The following SGMS1 variants were observed in gnomAD, a reference collection of about 807,000 sequenced individuals.
The protein encoded by SGMS1 is sphingomyelin synthase 1.
A neutral mutation model predicts 46.2 loss-of-function variants in SGMS1; 13 were observed. That is an observed-to-expected ratio of 0.28 (90% CI 0.18 to 0.45). The LOEUF (loss-of-function observed/expected upper bound fraction) is 0.45, where lower values mean the gene tolerates loss of function less well. Ranked by LOEUF, SGMS1 falls within the 20% of genes least tolerant of loss-of-function variation. SGMS1 has a pLI of 1.00. For missense variants in SGMS1, 324 were observed against 519.9 expected, an observed-to-expected ratio of 0.62 and a Z score of 3.66; for synonymous variants, 203 against 187.8, an observed-to-expected ratio of 1.08 and a Z score of -0.66.
chr10:50,582,581 AAACATT>A (rs997139165), intron 2 of SGMS1, among the ~76,000 whole-genome samples: 2 of 152,348 alleles, frequency 1.3e-5, no homozygotes, highest in African/African-American at 4.8e-5. Flanking sequence ...AACCATCAGC[AAACATT>A]TCCCAAGCAA....
chr10:50,431,399 G>A (rs553279870), intron 6 of SGMS1, among the ~76,000 whole-genome samples: 2 of 152,174 alleles, frequency 1.3e-5, no homozygotes, highest in Non-Finnish European at 2.9e-5. Context: ...TTTTTGTAAG[G>A]TTCAATAAAA....
At chr10:50,357,231 T>C (rs1364871036) in intron 6 of SGMS1, among the ~76,000 whole-genome samples, 1 of 151,940 alleles carries the variant, frequency 6.6e-6, no homozygotes, top group Admixed American at 6.6e-5. Flanking sequence ...TCAGACAATA[T>C]GCCATGACAT....
chr10:50,404,135 A>G (rs1340761238), intron 6 of SGMS1, among the ~76,000 whole-genome samples: 3 of 152,072 alleles, frequency 2.0e-5, no homozygotes, highest in African/African-American at 7.2e-5. Flanking sequence ...AGGAAGAAGA[A>G]AGCACATGAG....
intron 2 of SGMS1, among the ~76,000 whole-genome samples, chr10:50,522,714 T>C (rs1837867079): frequency 6.6e-6 from 1 of 152,114 alleles, no homozygotes; most frequent in Non-Finnish European, 1.5e-5. Flanking sequence ...TGGTCTTTAT[T>C]CCTAGGATGT....
At chr10:50,395,812 C>T (rs1043452469) in intron 6 of SGMS1, among the ~76,000 whole-genome samples, 16 of 152,016 alleles carry the variant, frequency 1.1e-4, no homozygotes, top group Admixed American at 4.6e-4. Flanking sequence ...GACTGGACAT[C>T]GATGAAGGAT....
chr10:50,592,897 G>A (rs1267175116), intron 1 of SGMS1, among the ~76,000 whole-genome samples: 1 of 152,196 alleles, frequency 6.6e-6, no homozygotes, highest in Non-Finnish European at 1.5e-5. Context: ...GCGTTTAACT[G>A]TGGTAGCCAG....
chr10:50,417,318 G>T (rs575401962), intron 6 of SGMS1, among the ~76,000 whole-genome samples: 1 of 152,030 alleles, frequency 6.6e-6, no homozygotes, highest in East Asian at 1.9e-4. Context: ...AACTCAATTG[G>T]ATAAAAATGT....
chr10:50,477,670 G>C (rs774377264), intron 3 of SGMS1, among the ~76,000 whole-genome samples: 14 of 152,156 alleles, frequency 9.2e-5, no homozygotes, highest in Non-Finnish European at 1.8e-4. Context: ...GAAGTGGTTG[G>C]ATCATGGGTG....
At chr10:50,330,023 A>T (rs1469073035) in intron 7 of SGMS1, among the ~76,000 whole-genome samples, 6 of 152,248 alleles carry the variant, frequency 3.9e-5, no homozygotes, top group African/African-American at 1.4e-4. Context: ...GACTTACTAG[A>T]ATAGCATGTT....
rs568493018 is a variant in SGMS1 at position 50,348,921 on chromosome 10, A to G, written c.-231-4576T>C. 3.3e-5 allele frequency among the ~76,000 whole-genome samples: 5 copies of G among 152,360 alleles called. No individual in the cohort carries two copies. In the South Asian group the frequency reaches 1.0e-3, roughly 32 times the overall value. On this transcript the variant is annotated intron_variant, in intron 6 of 10. Coordinates refer to ENST00000361781, the MANE Select transcript of SGMS1 (RefSeq NM_147156.4). ...ACGCTACCTGACTTCAAACTATACT[A>G]CAAGGCTACAGTAACCAAAACAGCA...
intron 3 of SGMS1, among the ~76,000 whole-genome samples, chr10:50,489,015 T>C (rs912817441): frequency 6.6e-6 from 1 of 152,214 alleles, no homozygotes; most frequent in Admixed American, 6.5e-5. Flanking sequence ...ATAAACTTCT[T>C]CATTAAATAT....
At chr10:50,364,671 C>T (rs1198895318) in intron 6 of SGMS1, among the ~76,000 whole-genome samples, 1 of 152,162 alleles carries the variant, frequency 6.6e-6, no homozygotes, top group Non-Finnish European at 1.5e-5. Context: ...ACAATAACAC[C>T]ATAAACTTTA....
chr10:50,392,993 G>GTTT (rs34313644), intron 6 of SGMS1, among the ~76,000 whole-genome samples: 1 of 147,854 alleles, frequency 6.8e-6, no homozygotes, highest in African/African-American at 2.5e-5. Context: ...CATCCAGAAA[G>GTTT]TTTTTTTTTT....
intron 3 of SGMS1, among the ~76,000 whole-genome samples, chr10:50,480,135 A>C (rs537787463): frequency 1.4e-4 from 21 of 152,280 alleles, no homozygotes; most frequent in African/African-American, 4.8e-4. Flanking sequence ...ATACAGGAAC[A>C]TAACTCATGC....
intron 2 of SGMS1, among the ~76,000 whole-genome samples, chr10:50,535,549 G>A (rs895315582): frequency 2.6e-5 from 4 of 151,914 alleles, no homozygotes; most frequent in African/African-American, 9.7e-5. Flanking sequence ...TTTGTATTTT[G>A]AGTAGAGATG....
chr10:50,515,783 C>A (rs1837796970), intron 3 of SGMS1, among the ~76,000 whole-genome samples: 1 of 152,126 alleles, frequency 6.6e-6, no homozygotes, highest in East Asian at 1.9e-4. Context: ...AAGAAAAACC[C>A]AAGAATACAA....
At position 50,376,085 on chromosome 10, in the gene SGMS1, C is replaced by CA. The variant is rs1183952345; in HGVS notation, c.-231-31741dup. Reference sequence around the variant, plus strand: ...CTAATTAAAAGGTAGATTTGCTGGGCAAAATCCAAGAAATGCAAAACAAAT... The same window carrying CA: ...CTAATTAAAAGGTAGATTTGCTGGGCAAAAATCCAAGAAATGCAAAACAAAT... On this transcript the variant is annotated intron_variant, in intron 6 of 10. Transcript: ENST00000361781. 3.8e-4 allele frequency among the ~76,000 whole-genome samples: 58 copies of CA among 152,052 alleles called. 1 individual carries two copies. Among genetic ancestry groups the CA allele is most frequent in the Non-Finnish European group, 5.3e-4 (36 of 67,998 alleles).
chr10:50,600,123 A>G (rs1357984537), intron 1 of SGMS1, among the ~76,000 whole-genome samples: 3 of 152,232 alleles, frequency 2.0e-5, no homozygotes, highest in East Asian at 3.8e-4. Flanking sequence ...ATTAACAGTT[A>G]CAAAGAATGC....
At chr10:50,555,739 C>G (rs1250327436) in intron 2 of SGMS1, among the ~76,000 whole-genome samples, 1 of 152,170 alleles carries the variant, frequency 6.6e-6, no homozygotes, top group Non-Finnish European at 1.5e-5. Context: ...GAGGCCAAAG[C>G]CTTCCTGCAT....
Sources: gnomAD v4.1 joint callset for allele counts (sites outside exome capture counted in the v4.1 genomes callset) on GRCh38, gnomAD v4.1.1 for gene constraint, MANE v1.5 for transcripts, NCBI Gene and HGNC (gene_info 2026-07-23, HGNC 2026-07-21) for gene names.